Variants in RALGAPA2 observed in about 807,000 individuals in gnomAD.
RALGAPA2 encodes the protein Ral GTPase activating protein catalytic subunit alpha 2, also known as ral GTPase-activating protein subunit alpha-2.
In RALGAPA2, 139 loss-of-function variants were observed where a neutral mutation model predicts 230.4. The ratio of observed to expected loss-of-function variants is 0.60; its 90% CI spans 0.53 to 0.69. The LOEUF (loss-of-function observed/expected upper bound fraction) is 0.69. RALGAPA2 is among the 30% of genes least tolerant of loss of function. The pLI is 0.00. For synonymous variants in RALGAPA2, 847 were observed against 837.8 expected, an observed-to-expected ratio of 1.01 and a Z score of -0.19; for missense variants, 2,163 against 2,276.0, an observed-to-expected ratio of 0.95 and a Z score of 1.01.
intron 24 of RALGAPA2, among the ~76,000 whole-genome samples, chr20:20,538,881 T>C (rs751515187): frequency 6.6e-6 from 1 of 152,162 alleles, no homozygotes; most frequent in South Asian, 2.1e-4. Context: ...GCCCCTCCCA[T>C]GATAGCCTCC....
At chr20:20,681,770 C>A (rs1461242360) in intron 1 of RALGAPA2, among the ~76,000 whole-genome samples, 1 of 152,158 alleles carries the variant, frequency 6.6e-6, no homozygotes. Context: ...GCAGGGTAAT[C>A]GCCCGAACTC....
At chr20:20,588,768 AATGAATAGGGGT>A in intron 18 of RALGAPA2, among the ~76,000 whole-genome samples, 1 of 152,194 alleles carries the variant, frequency 6.6e-6, no homozygotes, top group Non-Finnish European at 1.5e-5. Context: ...ATTTTAAAAA[AATGAATAGGGGT>A]TATCTGCATG....
intron 22 of RALGAPA2, 32 bp downstream of exon 22, chr20:20,571,816 C>T (rs202239766): frequency 1.5e-5 from 23 of 1,550,956 alleles, no homozygotes; most frequent in Non-Finnish European, 1.1e-5. Context: ...AAGAGGAAAT[C>T]GCAATAAAGG....
At chr20:20,433,990 T>C (rs1357929200) in intron 37 of RALGAPA2, among the ~76,000 whole-genome samples, 1 of 152,154 alleles carries the variant, frequency 6.6e-6, no homozygotes, top group Non-Finnish European at 1.5e-5. Flanking sequence ...TACTCAGACA[T>C]GGCATGCAGT....
Position 20,392,978 on chromosome 20 carries a change from A to G in RALGAPA2, c.*311T>C. On this transcript the variant is annotated 3_prime_UTR_variant, in exon 40 of 40. Transcript: ENST00000202677. The stretch of plus-strand genomic sequence containing the variant: ...GTGGGTTCATCTCTGGTTTTTGGTG[A>G]CTTTTTCTTTTCTTCTTTGGAAGTC... 9.8e-7 allele frequency: 1 copy of G among 1,023,084 alleles called. No homozygotes were observed. The highest frequency in any genetic ancestry group is 1.7e-5 in the African/African-American group (1 of 58,626). 63.4% of individuals were successfully genotyped at this position (1,023,084 alleles called of 1,614,324 possible).
intron 33 of RALGAPA2, among the ~76,000 whole-genome samples, chr20:20,506,171 A>T (rs1428339760): frequency 3.3e-5 from 5 of 152,076 alleles, no homozygotes; most frequent in Non-Finnish European, 5.9e-5. Context: ...TATTTAGTGG[A>T]ACCCCTTTTA....
chr20:20,571,348 T>C, intron 23 of RALGAPA2, 110 bp downstream of exon 23: 1 of 1,218,050 alleles, frequency 8.2e-7, no homozygotes, highest in Non-Finnish European at 1.1e-6. Flanking sequence ...TTGAAACTAC[T>C]GAGAAATTCA....
intron 14 of RALGAPA2, among the ~76,000 whole-genome samples, chr20:20,608,779 G>A (rs73292778): frequency 0.013 from 2,023 of 152,248 alleles, 36 homozygotes; most frequent in African/African-American, 0.046. Flanking sequence ...GTCAACAGAT[G>A]ATCACAAATC....
At chr20:20,598,643 G>T (rs546605678) in intron 16 of RALGAPA2, 1 of 436,152 alleles carries the variant, frequency 2.3e-6, no homozygotes, top group Admixed American at 2.5e-5. Flanking sequence ...AGAAGCCCAG[G>T]AACAGTGATG....
chr20:20,522,554 T>C (rs748278112), intron 30 of RALGAPA2, among the ~76,000 whole-genome samples: 4 of 152,178 alleles, frequency 2.6e-5, no homozygotes, highest in Non-Finnish European at 5.9e-5. Context: ...GACATGGGTA[T>C]GGGACCAGTG....
At chr20:20,544,286 G>T (rs2063724067) in intron 24 of RALGAPA2, among the ~76,000 whole-genome samples, 2 of 151,704 alleles carry the variant, frequency 1.3e-5, no homozygotes, top group African/African-American at 4.9e-5. Flanking sequence ...GCTGGGCATG[G>T]TGGCGGGTGC....
chr20:20,434,752 G>A (rs1262562990), intron 37 of RALGAPA2, among the ~76,000 whole-genome samples: 1 of 152,078 alleles, frequency 6.6e-6, no homozygotes, highest in African/African-American at 2.4e-5. Flanking sequence ...TCTGGACAAC[G>A]TGATGAGACC....
intron 29 of RALGAPA2, 91 bp from the exon 30 acceptor site, chr20:20,524,634 T>G: frequency 6.6e-7 from 1 of 1,515,372 alleles, no homozygotes; most frequent in Non-Finnish European, 9.0e-7. Context: ...CACCCAGTAT[T>G]CAGTGGACAT....
intron 1 of RALGAPA2, among the ~76,000 whole-genome samples, chr20:20,683,402 T>G (rs1043726907): frequency 6.6e-6 from 1 of 152,132 alleles, no homozygotes; most frequent in African/African-American, 2.4e-5. Flanking sequence ...ATCCGAACTC[T>G]TTACCATGGC....
intron 39 of RALGAPA2, among the ~76,000 whole-genome samples, chr20:20,395,850 C>T (rs1478465830): frequency 6.6e-6 from 1 of 152,252 alleles, no homozygotes; most frequent in Non-Finnish European, 1.5e-5. Context: ...GACAAAGTGA[C>T]TGGTGTCTGT....
intron 20 of RALGAPA2, among the ~76,000 whole-genome samples, chr20:20,573,589 C>A (rs1295589580): frequency 6.6e-6 from 1 of 152,054 alleles, no homozygotes; most frequent in Non-Finnish European, 1.5e-5. Flanking sequence ...CCAAAAAGTG[C>A]CCCTTCATAA....
intron 37 of RALGAPA2, among the ~76,000 whole-genome samples, chr20:20,458,712 ACC>A (rs1375279640): frequency 2.3e-5 from 3 of 131,288 alleles, no homozygotes; most frequent in African/African-American, 8.6e-5. Context: ...ACACACACAC[ACC>A]TATATATATA....
At chr20:20,451,204 G>C (rs1220901068) in intron 37 of RALGAPA2, among the ~76,000 whole-genome samples, 3 of 152,166 alleles carry the variant, frequency 2.0e-5, no homozygotes, top group Admixed American at 6.5e-5. Flanking sequence ...GGCCCACTTA[G>C]AAATTTTATA....
rs190138440 is a variant in RALGAPA2 at position 20,549,058 on chromosome 20, G to A, written c.3157-2226C>T. Among the ~76,000 whole-genome samples, 678 of 152,164 alleles carry A rather than the reference G, an allele frequency of 4.5e-3. 5 individuals are homozygous for A. The highest frequency in any genetic ancestry group is 0.016 in the African/African-American group (652 of 41,526). The stretch of plus-strand genomic sequence containing the variant: ...TGTGGAACTAAACCTTGAAGCTTGT[G>A]GGCTTTAAAAATCTTTAGCACATAC... On this transcript the variant is annotated intron_variant, in intron 23 of 39. Coordinates refer to ENST00000202677, the MANE Select transcript of RALGAPA2 (RefSeq NM_020343.4).
Sources: allele counts gnomAD v4.1 joint callset (sites outside exome capture counted in the v4.1 genomes callset), GRCh38; gene constraint gnomAD v4.1.1; transcripts MANE v1.5; gene names NCBI Gene and HGNC (gene_info 2026-07-23, HGNC 2026-07-21).